ZNF541: variants seen among roughly 807,000 people sequenced by gnomAD.
The protein encoded by ZNF541 is zinc finger protein 541.
Under a neutral mutation model 123.5 loss-of-function variants are expected in ZNF541, and 23 were observed. The observed-to-expected ratio is 0.19, with a 90% CI of 0.13 to 0.26. The LOEUF is 0.26. ZNF541 is among the 10% of genes least tolerant of loss of function. The pLI is 1.00. For missense variants in ZNF541, 1,612 were observed against 1,789.9 expected (o/e 0.90, Z 1.79); for synonymous variants, 751 against 754.5 (o/e 1.00, Z 0.08).
At position 47,544,270 on chromosome 19, in the gene ZNF541, T is replaced by C; in HGVS notation, c.2259A>G (p.Arg753=). 6.4e-7 allele frequency: 1 copy of C among 1,551,486 alleles called. No homozygotes were observed. ...YRLLGNPRAP[R]FSGFRKEKAK... ...CCTTCTCTTTCCGGAAGCCGGAGAA[T>C]CGCGGGGCCCTGGGGTTGCCCAAGA... is the stretch of plus-strand genomic sequence containing the variant. The change falls in exon 5 of 17, where the codon CGA becomes CGG. Residue 753 remains arginine, a synonymous_variant. Transcript: ENST00000391901.
At position 47,531,622 on chromosome 19, in the gene ZNF541, G is replaced by T; in HGVS notation, c.3405+20C>A. The T allele has an allele frequency of 6.6e-7, 1 of 1,515,464 alleles. No individual in the cohort carries two copies. The highest frequency in any genetic ancestry group is 8.9e-7 in the Non-Finnish European group (1 of 1,119,800). The allele number at this position is 1,515,464 out of a possible 1,614,324, so 93.9% of individuals were successfully genotyped here. A position where few individuals can be genotyped will look rare whatever the true frequency, so the allele number is the denominator to read the frequency against. ...CCTGGGCCCCAGGAAAGCAGGGAGG[G>T]TCCCCTTGCTGTTCCTCACCTGAAC... On this transcript the variant is annotated intron_variant, in intron 12 of 16. Coordinates refer to ENST00000391901, the MANE Select transcript of ZNF541 (RefSeq NM_001277075.3).
chr19:47,546,651 C>G (rs180747197), intron 4 of ZNF541, among the ~76,000 whole-genome samples: 1 of 152,276 alleles, frequency 6.6e-6, no homozygotes, highest in East Asian at 1.9e-4. Flanking sequence ...TTTGGCACAG[C>G]TAATAAATAA....
rs1376018630 is a variant in ZNF541 at position 47,521,141 on chromosome 19, GA to G, written c.*82del. ...GGGACAGGGAGGGTGGGGGGAGGCAGAGGGGTGCCCCAAACGCCCTGGAGAG... is the reference window on the plus strand; with the variant it reads ...GGGACAGGGAGGGTGGGGGGAGGCAGGGGGTGCCCCAAACGCCCTGGAGAG... On this transcript the variant is annotated 3_prime_UTR_variant, in exon 17 of 17. Coordinates refer to ENST00000391901, the MANE Select transcript of ZNF541 (RefSeq NM_001277075.3). The surrounding 1 kb of genome is among the most constrained non-coding windows in gnomAD (Gnocchi z 4.2). 2.0e-6 allele frequency: 3 copies of G among 1,478,328 alleles called. No individual in the cohort carries two copies. The highest frequency in any genetic ancestry group is 2.7e-6 in the Non-Finnish European group (3 of 1,104,584). The allele number at this position is 1,478,328 out of a possible 1,614,324, so 91.6% of individuals were successfully genotyped here. A position where few individuals can be genotyped will look rare whatever the true frequency, so the allele number is the denominator to read the frequency against.
At chr19:47,541,065 GAC>G in intron 5 of ZNF541, 114 bp from the exon 6 acceptor site, 1 of 968,182 alleles carries the variant, frequency 1.0e-6, no homozygotes, top group Non-Finnish European at 1.5e-6. Flanking sequence ...CCTTGGATTA[GAC>G]AGTGGTTTCT....
At chr19:47,527,461 T>C (rs1181288637) in intron 14 of ZNF541, among the ~76,000 whole-genome samples, 1 of 152,084 alleles carries the variant, frequency 6.6e-6, no homozygotes, top group African/African-American at 2.4e-5. Flanking sequence ...AGTGGTGCAA[T>C]CTTGGCTCAT....
Position 47,521,132 on chromosome 19 carries a change from G to C in ZNF541, c.*92C>G. On this transcript the variant is annotated 3_prime_UTR_variant, in exon 17 of 17. Transcript: ENST00000391901. The surrounding 1 kb of genome is among the most constrained non-coding windows in gnomAD (Gnocchi z 4.2). ...GGCCAACAGGGGACAGGGAGGGTGG[G>C]GGGAGGCAGAGGGGTGCCCCAAACG... 2.8e-6 allele frequency: 4 copies of C among 1,449,776 alleles called. No homozygotes were observed. Among genetic ancestry groups the C allele is most frequent in the Non-Finnish European group, 3.7e-6 (4 of 1,084,772 alleles). The allele number at this position is 1,449,776 out of a possible 1,614,324, so 89.8% of individuals were successfully genotyped here.
intron 14 of ZNF541, among the ~76,000 whole-genome samples, chr19:47,528,729 C>T (rs117613047): frequency 8.5e-5 from 13 of 152,052 alleles, no homozygotes; most frequent in East Asian, 5.8e-4. Context: ...AGTAGGACTG[C>T]GGGGAGGGGC....
intron 5 of ZNF541, among the ~76,000 whole-genome samples, chr19:47,542,386 T>C (rs1970119831): frequency 6.6e-6 from 1 of 152,192 alleles, no homozygotes; most frequent in Non-Finnish European, 1.5e-5. Flanking sequence ...CCAGGCACCA[T>C]GACTCATGCC....
At position 47,544,562 on chromosome 19, in the gene ZNF541, A is replaced by G; in HGVS notation, c.1967T>C (p.Val656Ala). 1 of 1,551,116 alleles carries G rather than the reference A, an allele frequency of 6.4e-7. No homozygotes were observed. Among genetic ancestry groups the G allele is most frequent in the Non-Finnish European group, 8.7e-7 (1 of 1,146,870 alleles). ...AGACGGTGCTGCAAGGGGCGTTGGA[A>G]CCGCGGCCACTTTCAGTCCCCCCTT... is the stretch of plus-strand genomic sequence containing the variant. ...DAKGGLKVAA[V>A]PTPLAAPSLD... The change falls in exon 5 of 17, where the codon GTT becomes GCT. Residue 656 changes from valine to alanine, a missense_variant. Transcript: ENST00000391901.
At chr19:47,555,316 G>GCTGAGAT (rs1970771326) in intron 3 of ZNF541, among the ~76,000 whole-genome samples, 2 of 150,628 alleles carry the variant, frequency 1.3e-5, no homozygotes, top group South Asian at 4.2e-4. Flanking sequence ...CTTGCAGTGA[G>GCTGAGAT]CTGAGATCGC....
At chr19:47,533,503 GA>G (rs1301955256) in intron 9 of ZNF541, among the ~76,000 whole-genome samples, 1 of 150,608 alleles carries the variant, frequency 6.6e-6, no homozygotes. Context: ...AAAGTCTCTG[GA>G]AATTGTCCTA....
At chr19:47,523,678 G>T (rs774640063) in intron 14 of ZNF541, among the ~76,000 whole-genome samples, 1 of 152,178 alleles carries the variant, frequency 6.6e-6, no homozygotes, top group Non-Finnish European at 1.5e-5. Flanking sequence ...AGTGAACCCT[G>T]ACAGGAAGCA....
In ZNF541 at chr19:47,545,448, C is replaced by A. The variant is rs1000810372; in HGVS notation, c.1081G>T (p.Gly361Cys). ...TCCGGCTCTGGCGGGTCGGGGGCGC[C>A]GTTCTCGGCGGCCCTGGAATTAGGG... ...TAPNSRAAEN[G>C]APDPPEPEPD... The change falls in exon 5 of 17, where the codon GGC (glycine) becomes TGC (cysteine). Residue 361 changes from glycine (G) to cysteine (C), a missense_variant. Gly to Cys is a radical substitution (Grantham distance 159). Around this residue, in one of 5 missense-constraint regions of ZNF541, gnomAD observed 1,080 missense variants for 1,013.8 expected, o/e 1.07. Coordinates refer to ENST00000391901, the MANE Select transcript of ZNF541 (RefSeq NM_001277075.3). This position sits in a 1 kb window ranked among gnomAD's most constrained non-coding sequence, Gnocchi z 7.5. 1.4e-6 allele frequency: 2 copies of A among 1,474,614 alleles called. No individual in the cohort carries two copies. Among genetic ancestry groups the A allele is most frequent in the South Asian group, 2.8e-5 (2 of 71,994 alleles). 91.3% of individuals were successfully genotyped at this position (1,474,614 alleles called of 1,614,324 possible).
intron 14 of ZNF541, among the ~76,000 whole-genome samples, chr19:47,524,221 A>G (rs904316825): frequency 3.9e-5 from 6 of 152,260 alleles, no homozygotes; most frequent in Non-Finnish European, 8.8e-5. Context: ...AAAAATATCC[A>G]GCATCCAACA....
chr19:47,527,888 A>G (rs1458353119), intron 14 of ZNF541, among the ~76,000 whole-genome samples: 9 of 150,492 alleles, frequency 6.0e-5, no homozygotes, highest in African/African-American at 1.7e-4. Flanking sequence ...TAGTAGAGAC[A>G]GGGTTTCTCC....
chr19:47,545,737 G>A lies in ZNF541; in HGVS notation c.792C>T (p.Ser264=), dbSNP rs1451923948. The change falls in exon 5 of 17, where the codon TCC becomes TCT. Residue 264 remains serine, a synonymous_variant. Coordinates refer to ENST00000391901, the MANE Select transcript of ZNF541 (RefSeq NM_001277075.3). The surrounding 1 kb of genome is among the most constrained non-coding windows in gnomAD (Gnocchi z 7.5). ...CCCGGTGGGGCAGGAGGGAGCCGGG[G>A]GACCTGGCCTCTGGGGGCACCAGGG... ...LRSLVPPEAR[S]PGSLLPHRDL... 9.7e-6 allele frequency: 15 copies of A among 1,544,980 alleles called. No homozygotes were observed. The Admixed American group carries it at 9.8e-5, about 10-fold the overall frequency.
At chr19:47,537,513 A>G (rs569959813) in intron 9 of ZNF541, among the ~76,000 whole-genome samples, 34 of 151,504 alleles carry the variant, frequency 2.2e-4, no homozygotes, top group African/African-American at 8.0e-4. Flanking sequence ...TCAGTCAGCC[A>G]AGATCACGCC....
intron 4 of ZNF541, among the ~76,000 whole-genome samples, chr19:47,546,996 C>T (rs959131765): frequency 2.0e-5 from 3 of 152,210 alleles, no homozygotes; most frequent in Admixed American, 2.0e-4. Flanking sequence ...GCTGAGATTA[C>T]AGGCGTGAGC....
intron 4 of ZNF541, among the ~76,000 whole-genome samples, chr19:47,548,767 C>T (rs974164062): frequency 1.3e-5 from 2 of 152,148 alleles, no homozygotes; most frequent in African/African-American, 4.8e-5. Context: ...CTTCCCTGCG[C>T]TCTGATGGTG....
Sources: allele counts gnomAD v4.1 joint callset (sites outside exome capture counted in the v4.1 genomes callset), GRCh38; gene constraint gnomAD v4.1.1; regional missense constraint gnomAD v4.1.1; non-coding constraint Gnocchi (gnomAD v3.1); transcripts MANE v1.5; gene names NCBI Gene and HGNC (gene_info 2026-07-23, HGNC 2026-07-21).